SIRT2: variants seen among roughly 807,000 people sequenced by gnomAD.
SIRT2 encodes NAD-dependent protein deacetylase sirtuin-2.
In SIRT2, 40 loss-of-function variants were observed where a neutral mutation model predicts 57.4. The observed-to-expected ratio is 0.70, with a 90% CI of 0.54 to 0.91. The LOEUF is 0.91. Among genes scored for constraint, SIRT2 ranks in the 40% least tolerant of loss-of-function variants. The pLI, the probability that SIRT2 is intolerant of heterozygous loss-of-function variation, is 0.00. For synonymous variants in SIRT2, 161 were observed against 195.7 expected, an observed-to-expected ratio of 0.82 and a Z score of 1.48; for missense variants, 439 against 510.4, an observed-to-expected ratio of 0.86 and a Z score of 1.35.
chr19:38,896,650 G>A (rs555083038), intron 2 of SIRT2, among the ~76,000 whole-genome samples: 2 of 152,268 alleles, frequency 1.3e-5, no homozygotes, highest in African/African-American at 2.4e-5. Context: ...TTACATCCTC[G>A]CCTCTCTCTC....
At position 38,886,811 on chromosome 19, in the gene SIRT2, A is replaced by G. The variant is rs1047248227; in HGVS notation, c.501+2276T>C. 7.2e-5 allele frequency among the ~76,000 whole-genome samples: 11 copies of G among 152,008 alleles called. No homozygotes were observed. In the South Asian group the frequency reaches 2.3e-3, roughly 32 times the overall value. On this transcript the variant is annotated intron_variant, in intron 8 of 15. Coordinates refer to ENST00000249396, the MANE Select transcript of SIRT2 (RefSeq NM_012237.4). ...TAATTTTTGTATTTTTAGTAGAGAC[A>G]GGGTTTCACCATGTTGGCCAGGCTG...
At chr19:38,885,076 T>C (rs1973283558) in intron 8 of SIRT2, among the ~76,000 whole-genome samples, 2 of 152,062 alleles carry the variant, frequency 1.3e-5, no homozygotes, top group Admixed American at 1.3e-4. Context: ...ATAGATGGCA[T>C]ATTCACCTGT....
At position 38,879,175 on chromosome 19, in the gene SIRT2, C is replaced by T. The variant is rs1973037428; in HGVS notation, c.1150G>A (p.Glu384Lys). 1 of 1,580,310 alleles carries T rather than the reference C, an allele frequency of 6.3e-7. No individual in the cohort carries two copies. The highest frequency in any genetic ancestry group is 1.2e-5 in the South Asian group (1 of 86,060). Reference sequence around the variant, plus strand: ...AGCTGTCACTGGGGTTTCTCCCTCTCTGTTGTCCTGGCCTCGTCCTTGGCA... The same window carrying T: ...AGCTGTCACTGGGGTTTCTCCCTCTTTGTTGTCCTGGCCTCGTCCTTGGCA... ...PPAKDEARTT[E>K]REKPQ is the part of the protein sequence containing the mutation. Residue 384 changes from glutamate (E) to lysine (K), a missense_variant, in exon 16 of 16, where the codon GAG becomes AAG. Glu to Lys is a moderately conservative substitution (Grantham distance 56). Transcript: ENST00000249396.
At chr19:38,887,395 A>G (rs1323926143) in intron 8 of SIRT2, among the ~76,000 whole-genome samples, 1 of 152,196 alleles carries the variant, frequency 6.6e-6, no homozygotes, top group Non-Finnish European at 1.5e-5. Flanking sequence ...AGCTGTTATC[A>G]TATCTGAGCC....
rs150309258 is a variant in SIRT2 at position 38,889,724 on chromosome 19, C to A, written c.397G>T (p.Ala133Ser). Residue 133 changes from alanine (A) to serine (S), a missense_variant, in exon 7 of 16, where the codon GCC (alanine) becomes TCC (serine). Coordinates refer to ENST00000249396, the MANE Select transcript of SIRT2 (RefSeq NM_012237.4). ...YFKKHPEPFFALAKELYPGQF... is the reference protein window; with the variant it reads ...YFKKHPEPFFSLAKELYPGQF... ...CCAGGATAGAGTTCCTTGGCGAGGGCGAAGAAGGGTTCCGGATGTTTCTGT... is the reference window on the plus strand; with the variant it reads ...CCAGGATAGAGTTCCTTGGCGAGGGAGAAGAAGGGTTCCGGATGTTTCTGT... The A allele has an allele frequency of 9.1e-5, 147 of 1,614,054 alleles. No homozygotes were observed. In the African/African-American group the frequency reaches 1.9e-3, roughly 20 times the overall value.
At chr19:38,885,480 C>T (rs972472601) in intron 8 of SIRT2, among the ~76,000 whole-genome samples, 2 of 149,770 alleles carry the variant, frequency 1.3e-5, no homozygotes, top group Non-Finnish European at 3.0e-5. Flanking sequence ...GGCTGGAGTA[C>T]AATGGCGCTA....
At chr19:38,884,913 C>T (rs2042272476) in intron 8 of SIRT2, among the ~76,000 whole-genome samples, 1 of 151,076 alleles carries the variant, frequency 6.6e-6, no homozygotes, top group Admixed American at 6.6e-5. Flanking sequence ...GATGGGGTCT[C>T]ACTATGTTGC....
chr19:38,899,292 G>A (rs1973847453), intron 1 of SIRT2, among the ~76,000 whole-genome samples: 1 of 152,140 alleles, frequency 6.6e-6, no homozygotes, highest in African/African-American at 2.4e-5. Context: ...TGGCAACTTG[G>A]CAAGTGGATG....
intron 8 of SIRT2, among the ~76,000 whole-genome samples, chr19:38,886,029 C>T (rs560640614): frequency 8.5e-5 from 13 of 152,140 alleles, no homozygotes; most frequent in Non-Finnish European, 1.3e-4. Flanking sequence ...TGAGGAATGC[C>T]GCTAAAACAG....
In SIRT2 at chr19:38,881,019, C is replaced by T; in HGVS notation, c.747+81G>A. 5 of 1,556,442 alleles carry T rather than the reference C, an allele frequency of 3.2e-6. No individual in the cohort carries two copies. In the South Asian group the frequency reaches 5.6e-5, roughly 18 times the overall value. On this transcript the variant is annotated intron_variant, in intron 11 of 15. Coordinates refer to ENST00000249396, the MANE Select transcript of SIRT2 (RefSeq NM_012237.4). The stretch of plus-strand genomic sequence containing the variant: ...GCTGGGGAGGTGACCTTTCCTGAGG[C>T]AGGGCCCAGGCTGCCCCCATGGGGC...
intron 8 of SIRT2, among the ~76,000 whole-genome samples, chr19:38,885,020 T>C (rs1332301680): frequency 1.3e-5 from 2 of 152,140 alleles, no homozygotes; most frequent in African/African-American, 4.8e-5. Context: ...TTAATCACTA[T>C]CTTCCCCTTT....
rs775614175 is a variant in SIRT2 at position 38,893,805 on chromosome 19, A to G, written c.112+14T>C. ...CCAGAACCCTGCTCCCTGTCCCTCC[A>G]GGAAGATACTCACTGTCTGCTTCTC... On this transcript the variant is annotated intron_variant, in intron 3 of 15. Transcript: ENST00000249396. 2 of 1,613,602 alleles carry G rather than the reference A, an allele frequency of 1.2e-6. No homozygotes were observed. The highest frequency in any genetic ancestry group is 2.2e-5 in the East Asian group (1 of 44,874).
In SIRT2 at chr19:38,893,438, C is replaced by A; in HGVS notation, c.202G>T (p.Ala68Ser). ...CAGCGTTCGCTCTGCATGTACCGGG[C>A]CACCCCTTCCAAGGTCAGCTCGTCC... ...LLDELTLEGV[A>S]RYMQSERCRR... Residue 68 changes from alanine (A) to serine (S), a missense_variant, in exon 4 of 16, where the codon GCC becomes TCC. By Grantham distance (99) the Ala-to-Ser change is moderately conservative. Transcript: ENST00000249396. 1 of 1,613,546 alleles carries A rather than the reference C, an allele frequency of 6.2e-7. No homozygotes were observed. Among genetic ancestry groups the A allele is most frequent in the East Asian group, 2.2e-5 (1 of 44,874 alleles).
At position 38,880,960 on chromosome 19, in the gene SIRT2, C is replaced by A; in HGVS notation, c.748-63G>T. On this transcript the variant is annotated intron_variant, in intron 11 of 15. Transcript: ENST00000249396. This position sits in a 1 kb window ranked among gnomAD's most constrained non-coding sequence, Gnocchi z 4.1. ...GGCTGCGCCACCGCTCCCTCCCCCG[C>A]CCCCAGCAGCAAACCTCCCTGCCGC... 1.3e-6 allele frequency: 2 copies of A among 1,566,810 alleles called. No homozygotes were observed. The highest frequency in any genetic ancestry group is 1.8e-6 in the Non-Finnish European group (2 of 1,140,730).
intron 14 of SIRT2, 40 bp from the exon 15 acceptor site, chr19:38,879,540 G>A (rs200737501): frequency 1.8e-5 from 28 of 1,569,476 alleles, no homozygotes; most frequent in Admixed American, 5.6e-5. Flanking sequence ...AGGCGGGCTC[G>A]CCCCTGCCTG....
intron 4 of SIRT2, among the ~76,000 whole-genome samples, chr19:38,891,326 A>G (rs1288119496): frequency 1.3e-5 from 2 of 152,170 alleles, no homozygotes; most frequent in African/African-American, 4.8e-5. Context: ...AGGGGGGCAG[A>G]TCACCTGAGG....
chr19:38,880,415 A>G lies in SIRT2; in HGVS notation c.876+270T>C. ...CCCGCCCCCCGCACTGTCTCTCCTG[A>G]CCCCTGCACCCCCTCCCACCTCCTC... On this transcript the variant is annotated intron_variant, in intron 13 of 15. Transcript: ENST00000249396. This position sits in a 1 kb window ranked among gnomAD's most constrained non-coding sequence, Gnocchi z 4.1. 2.6e-6 allele frequency: 1 copy of G among 382,410 alleles called. No individual in the cohort carries two copies. Among genetic ancestry groups the G allele is most frequent in the Non-Finnish European group, 4.6e-6 (1 of 217,162 alleles). The allele number at this position is 382,410 out of a possible 1,614,324, so 23.7% of individuals were successfully genotyped here. A position where few individuals can be genotyped will look rare whatever the true frequency, so the allele number is the denominator to read the frequency against.
Position 38,898,443 on chromosome 19 carries a change from A to T in SIRT2, c.17-18T>A. 1 of 1,498,618 alleles carries T rather than the reference A, an allele frequency of 6.7e-7. No individual in the cohort carries two copies. The highest frequency in any genetic ancestry group is 9.0e-7 in the Non-Finnish European group (1 of 1,112,550). The allele number at this position is 1,498,618 out of a possible 1,614,324, so 92.8% of individuals were successfully genotyped here. A position where few individuals can be genotyped will look rare whatever the true frequency, so the allele number is the denominator to read the frequency against. The stretch of plus-strand genomic sequence containing the variant: ...GTGAGAGGCTGGGGGAGGGGAGCAG[A>T]GGTGGTTACAGTGGGGAGAACGATT... On this transcript the variant is annotated intron_variant, in intron 1 of 15. Coordinates refer to ENST00000249396, the MANE Select transcript of SIRT2 (RefSeq NM_012237.4).
chr19:38,887,293 A>G (rs1255979558), intron 8 of SIRT2, among the ~76,000 whole-genome samples: 2 of 152,080 alleles, frequency 1.3e-5, no homozygotes, highest in African/African-American at 4.8e-5. Flanking sequence ...CTCAGTGAAC[A>G]TTTACTTTGA....
Sources: gnomAD v4.1 joint callset for allele counts (sites outside exome capture counted in the v4.1 genomes callset) on GRCh38, gnomAD v4.1.1 for gene constraint, Gnocchi (gnomAD v3.1) non-coding constraint, MANE v1.5 for transcripts, NCBI Gene and HGNC (gene_info 2026-07-23, HGNC 2026-07-21) for gene names.